The following CNTNAP5 variants were observed in gnomAD, a reference collection of about 807,000 sequenced individuals.
CNTNAP5 encodes the protein contactin-associated protein-like 5.
CNTNAP5 carries 72 observed loss-of-function variants against 150.2 expected under a neutral mutation model. That is an observed-to-expected ratio of 0.48 (90% CI 0.40 to 0.58). CNTNAP5 has a LOEUF of 0.58. Among genes scored for constraint, CNTNAP5 ranks in the 20% least tolerant of loss-of-function variants. The pLI, the probability that CNTNAP5 is intolerant of heterozygous loss-of-function variation, is 0.00. For missense variants in CNTNAP5, 1,636 were observed against 1,626.2 expected, an observed-to-expected ratio of 1.01 and a Z score of -0.10; for synonymous variants, 672 against 619.8, an observed-to-expected ratio of 1.08 and a Z score of -1.25.
At chr2:124,586,585 C>A (rs533934149) in intron 11 of CNTNAP5, among the ~76,000 whole-genome samples, 1 of 152,200 alleles carries the variant, frequency 6.6e-6, no homozygotes, top group South Asian at 2.1e-4. Flanking sequence ...ACCTCTTTAC[C>A]TTTTTAGCTT....
intron 8 of CNTNAP5, among the ~76,000 whole-genome samples, chr2:124,521,238 CA>C (rs1694839974): frequency 1.3e-5 from 2 of 152,172 alleles, no homozygotes. Flanking sequence ...TCTGTATTTT[CA>C]AAAGCTCCCC....
chr2:124,643,746 G>T (rs1678144753), intron 12 of CNTNAP5, among the ~76,000 whole-genome samples: 1 of 152,212 alleles, frequency 6.6e-6, no homozygotes, highest in Non-Finnish European at 1.5e-5. Flanking sequence ...AAAGATTGGT[G>T]TAAATATGAC....
intron 3 of CNTNAP5, among the ~76,000 whole-genome samples, chr2:124,249,003 T>C (rs370864046): frequency 6.6e-6 from 1 of 152,178 alleles, no homozygotes. Flanking sequence ...GTATTTTCAA[T>C]ATGTATAAAC....
intron 3 of CNTNAP5, among the ~76,000 whole-genome samples, chr2:124,319,993 T>C (rs1455317594): frequency 2.6e-5 from 4 of 152,236 alleles, no homozygotes. Context: ...AGTCAATAGA[T>C]ATGATACCAA....
At chr2:124,486,669 T>G (rs1196552584) in intron 7 of CNTNAP5, among the ~76,000 whole-genome samples, 3 of 152,148 alleles carry the variant, frequency 2.0e-5, no homozygotes, top group Non-Finnish European at 4.4e-5. Flanking sequence ...GATCACAGTT[T>G]TATGCAATAC....
chr2:124,839,794 C>G (rs906976196), intron 19 of CNTNAP5, among the ~76,000 whole-genome samples: 5 of 152,122 alleles, frequency 3.3e-5, no homozygotes, highest in Admixed American at 3.3e-4. Flanking sequence ...CCCATCAACC[C>G]TTTTGTCTGA....
chr2:124,687,216 C>A (rs1261314616), intron 13 of CNTNAP5, among the ~76,000 whole-genome samples: 1 of 151,814 alleles, frequency 6.6e-6, no homozygotes, highest in Admixed American at 6.6e-5. Flanking sequence ...ATTGGGATAC[C>A]TGTTAAAAAT....
chr2:124,345,869 A>G (rs974837612), intron 3 of CNTNAP5, among the ~76,000 whole-genome samples: 2 of 152,152 alleles, frequency 1.3e-5, no homozygotes, highest in African/African-American at 2.4e-5. Flanking sequence ...ATCAGCTTGA[A>G]CTAGTTACTA....
intron 1 of CNTNAP5, among the ~76,000 whole-genome samples, chr2:124,182,129 C>T (rs1307322876): frequency 6.6e-6 from 1 of 152,144 alleles, no homozygotes; most frequent in Admixed American, 6.6e-5. Flanking sequence ...ATAATTTCTT[C>T]TCACAATAAT....
chr2:124,137,683 T>C (rs190712921), intron 1 of CNTNAP5, among the ~76,000 whole-genome samples: 5 of 152,304 alleles, frequency 3.3e-5, no homozygotes, highest in Admixed American at 3.3e-4. Flanking sequence ...CATAGATATA[T>C]CAATGCTGTT....
intron 10 of CNTNAP5, among the ~76,000 whole-genome samples, chr2:124,541,372 T>A (rs954995082): frequency 1.3e-5 from 2 of 151,738 alleles, no homozygotes; most frequent in Non-Finnish European, 2.9e-5. Context: ...CTTCTAGTAA[T>A]TCAATTCTAA....
chr2:124,632,423 AG>A lies in CNTNAP5; in HGVS notation c.1877-15334del, dbSNP rs1677883420. 2.0e-5 allele frequency among the ~76,000 whole-genome samples: 3 copies of A among 152,328 alleles called. No homozygotes were observed. In the South Asian group the frequency reaches 6.2e-4, roughly 32 times the overall value. ...TTGCAGGGACACGAATGAAGCTGAAAGCTGTTATCCTCAGCAAACTAATTCA... is the reference window on the plus strand; with the variant it reads ...TTGCAGGGACACGAATGAAGCTGAAACTGTTATCCTCAGCAAACTAATTCA... On this transcript the variant is annotated intron_variant, in intron 12 of 23. Coordinates refer to ENST00000682447, the MANE Select transcript of CNTNAP5 (RefSeq NM_001367498.1).
At chr2:124,064,979 A>G (rs146497686) in intron 1 of CNTNAP5, among the ~76,000 whole-genome samples, 1 of 151,370 alleles carries the variant, frequency 6.6e-6, no homozygotes, top group Non-Finnish European at 1.5e-5. Flanking sequence ...ACATTATCTC[A>G]CTCTAGTATA....
intron 3 of CNTNAP5, among the ~76,000 whole-genome samples, chr2:124,304,502 G>A (rs1688634041): frequency 6.8e-6 from 1 of 147,054 alleles, no homozygotes; most frequent in Non-Finnish European, 1.5e-5. Context: ...TCAGGTTTCT[G>A]ATGGCAATGA....
intron 1 of CNTNAP5, among the ~76,000 whole-genome samples, chr2:124,086,702 T>A (rs534109246): frequency 4.0e-5 from 6 of 151,726 alleles, no homozygotes; most frequent in Non-Finnish European, 8.8e-5. Context: ...GCCCATTTTG[T>A]CATATTTATA....
intron 10 of CNTNAP5, among the ~76,000 whole-genome samples, chr2:124,548,272 C>T (rs911069521): frequency 6.6e-6 from 1 of 152,128 alleles, no homozygotes; most frequent in African/African-American, 2.4e-5. Flanking sequence ...AAGTTGTTGG[C>T]CAGCTGTAGT....
chr2:124,767,462 T>C (rs530875735), intron 16 of CNTNAP5, among the ~76,000 whole-genome samples: 1 of 152,238 alleles, frequency 6.6e-6, no homozygotes, highest in East Asian at 1.9e-4. Flanking sequence ...CAGGTAGAAA[T>C]TGATATTTTA....
intron 13 of CNTNAP5, among the ~76,000 whole-genome samples, chr2:124,729,290 A>G (rs1680221944): frequency 6.6e-6 from 1 of 152,128 alleles, no homozygotes. Flanking sequence ...TTATTAATGT[A>G]ATACAATGAA....
chr2:124,505,651 T>C (rs921590928), intron 8 of CNTNAP5, among the ~76,000 whole-genome samples: 3 of 152,112 alleles, frequency 2.0e-5, no homozygotes, highest in African/African-American at 4.8e-5. Flanking sequence ...CTGGATACCC[T>C]GGCTCCTCCA....
Sources: gnomAD v4.1 joint callset for allele counts (sites outside exome capture counted in the v4.1 genomes callset) on GRCh38, gnomAD v4.1.1 for gene constraint, MANE v1.5 for transcripts, NCBI Gene and HGNC (gene_info 2026-07-23, HGNC 2026-07-21) for gene names.